Variants in EIF4E observed in about 807,000 individuals in gnomAD.
EIF4E encodes eIF-4F 25 kDa subunit.
For synonymous variants in EIF4E, 71 were observed against 88.5 expected (o/e 0.80, Z 1.11); for missense variants, 113 against 265.6 (o/e 0.43, Z 3.99).
intron 1 of EIF4E, among the ~76,000 whole-genome samples, chr4:98,922,367 C>T (rs1185918065): frequency 6.6e-6 from 1 of 152,050 alleles, no homozygotes; most frequent in Non-Finnish European, 1.5e-5. Flanking sequence ...ACCAGCCTGG[C>T]CAATATGGTG....
intron 2 of EIF4E, among the ~76,000 whole-genome samples, chr4:98,900,345 A>C (rs2110197206): frequency 6.6e-6 from 1 of 152,292 alleles, no homozygotes; most frequent in Admixed American, 6.5e-5. Context: ...TAAAAAACTG[A>C]TTTGTTCCTC....
chr4:98,901,019 G>C (rs1724622601), intron 2 of EIF4E, among the ~76,000 whole-genome samples: 1 of 151,988 alleles, frequency 6.6e-6, no homozygotes, highest in African/African-American at 2.4e-5. Flanking sequence ...ATGTTTTATG[G>C]AACTACTCTA....
chr4:98,884,953 A>T lies in EIF4E; in HGVS notation c.508T>A (p.Cys170Ser). 1 of 1,613,490 alleles carries T rather than the reference A, an allele frequency of 6.2e-7. No individual in the cohort carries two copies. Among genetic ancestry groups the T allele is most frequent in the Non-Finnish European group, 8.5e-7 (1 of 1,179,912 alleles). The change falls in exon 6 of 7, where the codon TGT becomes AGT. Residue 170 changes from cysteine to serine, a missense_variant. Physicochemically the swap from Cys to Ser is moderately radical, Grantham distance 112. Transcript: ENST00000450253. ...GDKIAIWTTECENREAVTHIG... is the reference protein window; with the variant it reads ...GDKIAIWTTESENREAVTHIG... ...TGTGTAACAGCTTCTCTGTTTTCAC[A>T]TTCAGTAGTCCATATTGCTATCTTA... is the stretch of plus-strand genomic sequence containing the variant.
At chr4:98,912,543 T>C (rs1360997809) in intron 1 of EIF4E, among the ~76,000 whole-genome samples, 3 of 151,404 alleles carry the variant, frequency 2.0e-5, no homozygotes, top group African/African-American at 7.3e-5. Flanking sequence ...ACCACTGCAC[T>C]CCAGCATAGC....
At chr4:98,889,926 A>G (rs1482497376) in intron 3 of EIF4E, among the ~76,000 whole-genome samples, 1 of 152,216 alleles carries the variant, frequency 6.6e-6, no homozygotes. Flanking sequence ...GATGATGGGC[A>G]AAGAATAATA....
At chr4:98,912,240 A>G in intron 1 of EIF4E, among the ~76,000 whole-genome samples, 1 of 149,596 alleles carries the variant, frequency 6.7e-6, no homozygotes, top group African/African-American at 2.5e-5. Context: ...TAACAAGAGC[A>G]AAACTCCGTC....
Position 98,887,054 on chromosome 4 carries a change from CT to C in EIF4E, c.399+24del. On this transcript the variant is annotated intron_variant, in intron 5 of 6. Transcript: ENST00000450253. The surrounding 1 kb of genome is among the most constrained non-coding windows in gnomAD (Gnocchi z 4.0). ...CAGTATTCCAAAACTACCTCTAAAA[CT>C]GCTTTATACTTTTAAAACCTTACTG... 6.2e-7 allele frequency: 1 copy of C among 1,608,220 alleles called. No homozygotes were observed. Among genetic ancestry groups the C allele is most frequent in the Non-Finnish European group, 8.5e-7 (1 of 1,176,342 alleles).
chr4:98,890,335 T>C (rs1188817859), intron 3 of EIF4E, among the ~76,000 whole-genome samples: 1 of 152,210 alleles, frequency 6.6e-6, no homozygotes, highest in Non-Finnish European at 1.5e-5. Flanking sequence ...AGTTAGAATA[T>C]TTAGATAACT....
chr4:98,886,224 G>A (rs1226926715), intron 5 of EIF4E: 5 of 191,344 alleles, frequency 2.6e-5, no homozygotes, highest in East Asian at 1.5e-4. Context: ...AACCAGGCAC[G>A]GTTTCAAGTG....
intron 1 of EIF4E, among the ~76,000 whole-genome samples, chr4:98,908,762 T>C (rs1222766312): frequency 1.3e-5 from 2 of 152,192 alleles, no homozygotes; most frequent in Admixed American, 6.5e-5. Flanking sequence ...CATCTCAATA[T>C]AGTCAATCTT....
intron 2 of EIF4E, among the ~76,000 whole-genome samples, chr4:98,901,090 C>T (rs1724625310): frequency 6.6e-6 from 1 of 152,194 alleles, no homozygotes; most frequent in South Asian, 2.1e-4. Flanking sequence ...AGTGTTCAAT[C>T]CAATGGATAT....
At chr4:98,906,187 T>C (rs1308445716) in intron 1 of EIF4E, among the ~76,000 whole-genome samples, 1 of 152,220 alleles carries the variant, frequency 6.6e-6, no homozygotes, top group Admixed American at 6.5e-5. Context: ...TCAACAAATA[T>C]CTACTTACTC....
intron 6 of EIF4E, among the ~76,000 whole-genome samples, chr4:98,881,409 GTTAT>G (rs1261997901): frequency 2.0e-5 from 3 of 151,702 alleles, no homozygotes; most frequent in Non-Finnish European, 4.4e-5. Context: ...TTATTATATT[GTTAT>G]TTATTATGAT....
At chr4:98,889,313 G>A (rs1438412286) in intron 3 of EIF4E, among the ~76,000 whole-genome samples, 1 of 152,094 alleles carries the variant, frequency 6.6e-6, no homozygotes, top group African/African-American at 2.4e-5. Context: ...ATCAATGACA[G>A]CCTCCACTAG....
rs552919856 is a variant in EIF4E at position 98,909,566 on chromosome 4, C to T, written c.19-7584G>A. On this transcript the variant is annotated intron_variant, in intron 1 of 6. Coordinates refer to ENST00000450253, the MANE Select transcript of EIF4E (RefSeq NM_001968.5). ...GCTTCTAACTCCACTGAATCCAGTA[C>T]TAAATGTTCTTTATATTCCTCAGCT... is the stretch of plus-strand genomic sequence containing the variant. The T allele has an allele frequency of 4.6e-4, 307 of 665,398 alleles. 3 individuals carry two copies. In the South Asian group the frequency reaches 5.2e-3, roughly 11 times the overall value. The allele number at this position is 665,398 out of a possible 1,614,324, so 41.2% of individuals were successfully genotyped here.
intron 1 of EIF4E, among the ~76,000 whole-genome samples, chr4:98,902,567 G>A (rs1182206475): frequency 6.6e-6 from 1 of 151,886 alleles, no homozygotes; most frequent in Non-Finnish European, 1.5e-5. Context: ...ATAGCAGGAA[G>A]ACTGTCACAG....
chr4:98,897,837 T>G (rs1007317334), intron 2 of EIF4E, among the ~76,000 whole-genome samples: 1 of 152,204 alleles, frequency 6.6e-6, no homozygotes, highest in Non-Finnish European at 1.5e-5. Context: ...AGTTTAGAGG[T>G]AATATTAATG....
intron 2 of EIF4E, among the ~76,000 whole-genome samples, chr4:98,898,508 T>A (rs2110194983): frequency 6.6e-6 from 1 of 150,944 alleles, no homozygotes; most frequent in Non-Finnish European, 1.5e-5. Flanking sequence ...CTAGGGAGGC[T>A]GAGGCAGAAG....
intron 6 of EIF4E, among the ~76,000 whole-genome samples, chr4:98,882,456 A>G (rs1723739958): frequency 6.6e-6 from 1 of 151,752 alleles, no homozygotes; most frequent in South Asian, 2.1e-4. Flanking sequence ...AAATTCAAAA[A>G]TAAGCAAAAA....
Sources: allele counts gnomAD v4.1 joint callset (sites outside exome capture counted in the v4.1 genomes callset), GRCh38; gene constraint gnomAD v4.1.1; non-coding constraint Gnocchi (gnomAD v3.1); transcripts MANE v1.5; gene names NCBI Gene and HGNC (gene_info 2026-07-23, HGNC 2026-07-21).